The following CCSER1 variants were observed in gnomAD, a reference collection of about 807,000 sequenced individuals.
CCSER1 encodes serine-rich coiled-coil domain-containing protein 1.
A neutral mutation model predicts 82.0 loss-of-function variants in CCSER1; 41 were observed. The observed-to-expected ratio is 0.50, with a 90% CI of 0.39 to 0.65. The LOEUF is 0.65. Ranked by LOEUF, CCSER1 falls within the 30% of genes least tolerant of loss-of-function variation. CCSER1 has a pLI of 0.00. For missense variants in CCSER1, 1,119 were observed against 1,064.2 expected, an observed-to-expected ratio of 1.05 and a Z score of -0.72; for synonymous variants, 414 against 383.9, an observed-to-expected ratio of 1.08 and a Z score of -0.92.
intron 5 of CCSER1, among the ~76,000 whole-genome samples, chr4:90,575,551 A>G (rs1780640106): frequency 6.6e-6 from 1 of 152,250 alleles, no homozygotes; most frequent in South Asian, 2.1e-4. Context: ...AGCACCAGTC[A>G]TGCTGTTAGC....
chr4:91,136,512 C>A (rs1389527429), intron 10 of CCSER1, among the ~76,000 whole-genome samples: 3 of 152,090 alleles, frequency 2.0e-5, no homozygotes, highest in Non-Finnish European at 2.9e-5. Flanking sequence ...ACAATGGATA[C>A]CCTAAAGTCT....
At chr4:90,206,314 C>T (rs906104955) in intron 1 of CCSER1, among the ~76,000 whole-genome samples, 12 of 151,942 alleles carry the variant, frequency 7.9e-5, no homozygotes, top group East Asian at 1.9e-4. Context: ...AGATCTTTCC[C>T]GCTGTCTCCT....
At chr4:91,345,608 T>G (rs1748003385) in intron 10 of CCSER1, among the ~76,000 whole-genome samples, 1 of 152,176 alleles carries the variant, frequency 6.6e-6, no homozygotes, top group Non-Finnish European at 1.5e-5. Flanking sequence ...TGCCCCACTG[T>G]TTCCCTGATT....
At chr4:90,965,178 T>G (rs1734441306) in intron 9 of CCSER1, among the ~76,000 whole-genome samples, 1 of 152,156 alleles carries the variant, frequency 6.6e-6, no homozygotes, top group Admixed American at 6.5e-5. Flanking sequence ...ATCAATTGTT[T>G]AATATTTCAG....
intron 5 of CCSER1, among the ~76,000 whole-genome samples, chr4:90,549,062 C>G (rs888512463): frequency 6.6e-6 from 1 of 152,088 alleles, no homozygotes. Flanking sequence ...TTGTACCTAT[C>G]AACATTTATT....
At chr4:91,461,532 C>G (rs13123986) in intron 10 of CCSER1, among the ~76,000 whole-genome samples, 107,931 of 151,962 alleles carry the variant, frequency 0.71, 38,964 homozygotes, top group East Asian at 0.91. Flanking sequence ...ATTGTCAAAC[C>G]CCTTACCAGG....
At chr4:90,323,915 C>T (rs1175849017) in intron 3 of CCSER1, among the ~76,000 whole-genome samples, 5 of 151,918 alleles carry the variant, frequency 3.3e-5, no homozygotes, top group Admixed American at 2.0e-4. Flanking sequence ...TGAGAATATG[C>T]GGTATTTGGT....
intron 4 of CCSER1, among the ~76,000 whole-genome samples, chr4:90,457,581 A>G (rs72885030): frequency 2.2e-3 from 342 of 152,282 alleles, no homozygotes; most frequent in African/African-American, 7.8e-3. Context: ...CTCTCAGCTG[A>G]GAGAAGACCC....
At chr4:91,593,765 TGA>T (rs1306445486) in intron 10 of CCSER1, among the ~76,000 whole-genome samples, 1 of 152,102 alleles carries the variant, frequency 6.6e-6, no homozygotes, top group Non-Finnish European at 1.5e-5. Flanking sequence ...TAAATTGCAA[TGA>T]GAGGCTGGTG....
chr4:90,616,634 A>G (rs1260459605), intron 5 of CCSER1, among the ~76,000 whole-genome samples: 1 of 150,988 alleles, frequency 6.6e-6, no homozygotes, highest in Non-Finnish European at 1.5e-5. Flanking sequence ...GCAGTGAGCC[A>G]AGAACAGGCC....
chr4:91,129,320 T>C (rs565798323), intron 10 of CCSER1, among the ~76,000 whole-genome samples: 1 of 152,098 alleles, frequency 6.6e-6, no homozygotes, highest in African/African-American at 2.4e-5. Flanking sequence ...CAGAAATGAA[T>C]CATGATTCCT....
At chr4:91,365,635 A>AT (rs909484612) in intron 10 of CCSER1, among the ~76,000 whole-genome samples, 1 of 152,190 alleles carries the variant, frequency 6.6e-6, no homozygotes, top group African/African-American at 2.4e-5. Flanking sequence ...TTGATAAAAT[A>AT]TTTTTTAAAA....
intron 6 of CCSER1, among the ~76,000 whole-genome samples, chr4:90,635,296 A>G (rs1355670155): frequency 6.6e-6 from 1 of 151,688 alleles, no homozygotes; most frequent in Non-Finnish European, 1.5e-5. Context: ...CATCGTCAAG[A>G]CACACTATAT....
intron 10 of CCSER1, among the ~76,000 whole-genome samples, chr4:91,594,019 T>C (rs933521339): frequency 1.3e-4 from 20 of 152,154 alleles, no homozygotes; most frequent in African/African-American, 4.6e-4. Context: ...GATTAATCAC[T>C]AGATTTTCCA....
At chr4:91,108,187 A>G (rs1725808806) in intron 10 of CCSER1, 1 of 152,240 alleles carries the variant, frequency 6.6e-6, no homozygotes, top group Non-Finnish European at 1.5e-5. Context: ...AATCCATTGT[A>G]TTTCTTAAAT....
At chr4:90,941,131 A>C (rs565179544) in intron 9 of CCSER1, among the ~76,000 whole-genome samples, 1 of 152,240 alleles carries the variant, frequency 6.6e-6, no homozygotes, top group Admixed American at 6.5e-5. Flanking sequence ...TAAGGGAATT[A>C]TTTTATAAGA....
intron 10 of CCSER1, among the ~76,000 whole-genome samples, chr4:91,346,535 G>A (rs545302410): frequency 7.9e-5 from 12 of 152,266 alleles, no homozygotes; most frequent in African/African-American, 2.9e-4. Flanking sequence ...TATGATAAGA[G>A]TGTGTTTAAT....
At chr4:91,468,119 T>G (rs1469458100) in intron 10 of CCSER1, among the ~76,000 whole-genome samples, 1 of 152,150 alleles carries the variant, frequency 6.6e-6, no homozygotes, top group Non-Finnish European at 1.5e-5. Context: ...CCAACAGTGA[T>G]AGACTGGATT....
chr4:90,504,758 A>G (rs1357572549), intron 5 of CCSER1, among the ~76,000 whole-genome samples: 1 of 152,194 alleles, frequency 6.6e-6, no homozygotes, highest in Non-Finnish European at 1.5e-5. Flanking sequence ...TGATGACTTT[A>G]GGATAGAAAA....
Sources: gnomAD v4.1 joint callset for allele counts (sites outside exome capture counted in the v4.1 genomes callset) on GRCh38, gnomAD v4.1.1 for gene constraint, MANE v1.5 for transcripts, NCBI Gene and HGNC (gene_info 2026-07-23, HGNC 2026-07-21) for gene names.